The following ADAMTS9 variants were observed in gnomAD, a reference collection of about 807,000 sequenced individuals.
The protein encoded by ADAMTS9 is ADAM metallopeptidase with thrombospondin type 1 motif 9, also known as A disintegrin and metalloproteinase with thrombospondin motifs 9.
Under a neutral mutation model 257.1 loss-of-function variants are expected in ADAMTS9, and 107 were observed. That is an observed-to-expected ratio of 0.42 (90% CI 0.36 to 0.49). The LOEUF is 0.49. Ranked by LOEUF, ADAMTS9 falls within the 20% of genes least tolerant of loss-of-function variation. The probability of loss-of-function intolerance (pLI) is 0.03; values close to 1 mark genes in which losing one functional copy is unlikely to be tolerated. For synonymous variants in ADAMTS9, 982 were observed against 880.9 expected (o/e 1.11, Z -2.03); for missense variants, 2,353 against 2,469.1 (o/e 0.95, Z 1.00).
At chr3:64,665,676 G>A (rs1701337010) in intron 3 of ADAMTS9, among the ~76,000 whole-genome samples, 1 of 152,146 alleles carries the variant, frequency 6.6e-6, no homozygotes, top group Non-Finnish European at 1.5e-5. Context: ...TCCTAGTGGG[G>A]CAAATCAGCA....
At chr3:64,630,674 G>C (rs1464151339) in intron 16 of ADAMTS9, among the ~76,000 whole-genome samples, 1 of 152,138 alleles carries the variant, frequency 6.6e-6, no homozygotes, top group Non-Finnish European at 1.5e-5. Context: ...TGCATGCTGG[G>C]CTTAATACCT....
intron 39 of ADAMTS9, among the ~76,000 whole-genome samples, chr3:64,520,631 C>G (rs1575972059): frequency 6.6e-6 from 1 of 152,006 alleles, no homozygotes; most frequent in Non-Finnish European, 1.5e-5. Context: ...ATAAGGAACC[C>G]AGAAATAAAG....
Position 64,602,191 on chromosome 3 carries a change from C to T in ADAMTS9, c.3770G>A (p.Gly1257Asp), listed in dbSNP as rs757943430. 1.9e-6 allele frequency: 3 copies of T among 1,613,976 alleles called. No homozygotes were observed. The highest frequency in any genetic ancestry group is 2.5e-6 in the Non-Finnish European group (3 of 1,179,954). The change falls in exon 26 of 40, where the codon GGT (glycine) becomes GAT (aspartate). Residue 1257 changes from glycine (G) to aspartate (D), a missense_variant. This residue lies in a region of ADAMTS9 where 1,402 missense variants were observed against 1,441.4 expected (regional missense o/e 0.97). Coordinates refer to ENST00000498707, the MANE Select transcript of ADAMTS9 (RefSeq NM_182920.2). ...WSSCSVTCGQ[G>D]RATRQVMCVN... Reference sequence around the variant, plus strand: ...ACACATCACTTGCCGGGTTGCCCTACCTTGCCCACAGGTCACAGAGCACTA... The same window carrying T: ...ACACATCACTTGCCGGGTTGCCCTATCTTGCCCACAGGTCACAGAGCACTA...
chr3:64,598,192 A>G (rs2084398132), intron 26 of ADAMTS9, among the ~76,000 whole-genome samples: 1 of 152,186 alleles, frequency 6.6e-6, no homozygotes, highest in Admixed American at 6.5e-5. Flanking sequence ...TTTAATGTAG[A>G]GCTGGATAAT....
chr3:64,561,645 T>A lies in ADAMTS9; in HGVS notation c.4631A>T (p.Glu1544Val). ...TGGGCCTTGGCAGTCGCGTTCCGAC[T>A]CCGGTCTGGTGTATGGGTTGCACTC... ...ETECNPYTRP[E>V]SERDCQGPRC... Residue 1544 changes from glutamate to valine, a missense_variant, in exon 30 of 40, where the codon GAG becomes GTG. Glu to Val is a moderately radical substitution (Grantham distance 121). Around this residue, in one of 3 missense-constraint regions of ADAMTS9, gnomAD observed 1,402 missense variants for 1,441.4 expected, o/e 0.97. Transcript: ENST00000498707. The A allele has an allele frequency of 6.2e-7, 1 of 1,614,112 alleles. No individual in the cohort carries two copies. The highest frequency in any genetic ancestry group is 8.5e-7 in the Non-Finnish European group (1 of 1,180,002).
At chr3:64,607,148 C>T in intron 22 of ADAMTS9, 69 bp from the exon 23 acceptor site, 3 of 1,584,140 alleles carry the variant, frequency 1.9e-6, no homozygotes, top group Middle Eastern at 1.8e-4. Flanking sequence ...TTCCCCATAA[C>T]ATTCTGCAAG....
At chr3:64,578,616 A>G (rs1256530855) in intron 28 of ADAMTS9, among the ~76,000 whole-genome samples, 1 of 152,194 alleles carries the variant, frequency 6.6e-6, no homozygotes, top group Admixed American at 6.5e-5. Context: ...TCTGTTTAAC[A>G]GAGATATGAA....
At chr3:64,684,157 C>A (rs1418044095) in intron 2 of ADAMTS9, among the ~76,000 whole-genome samples, 1 of 152,164 alleles carries the variant, frequency 6.6e-6, no homozygotes, top group Admixed American at 6.5e-5. Context: ...GGAGCTGAGA[C>A]TGGACATGTG....
At position 64,515,877 on chromosome 3, in the gene ADAMTS9, T is replaced by TTG. The variant is rs1395133985; in HGVS notation, c.*1249_*1250insCA. ...ATGGGCCATTGGCAAAGGCTTCCCT[T>TTG]CATCAGCTTGGAGGGGCAGAAAGAC... On this transcript the variant is annotated 3_prime_UTR_variant, in exon 40 of 40. Coordinates refer to ENST00000498707, the MANE Select transcript of ADAMTS9 (RefSeq NM_182920.2). 2 of 152,174 alleles carry TTG rather than the reference T, an allele frequency of 1.3e-5. No homozygotes were observed. Among genetic ancestry groups the TTG allele is most frequent in the African/African-American group, 4.8e-5 (2 of 41,438 alleles). 9.4% of individuals were successfully genotyped at this position (152,174 alleles called of 1,614,324 possible). A position where few individuals can be genotyped will look rare whatever the true frequency, so the allele number is the denominator to read the frequency against.
intron 4 of ADAMTS9, 37 bp from the exon 5 acceptor site, chr3:64,655,912 A>G (rs1701057657): frequency 7.3e-7 from 1 of 1,373,150 alleles, no homozygotes; most frequent in African/African-American, 1.5e-5. Context: ...TTAATTGTGA[A>G]CTCCGTGTAA....
chr3:64,624,444 T>C (rs377284045), intron 16 of ADAMTS9, among the ~76,000 whole-genome samples: 10 of 152,228 alleles, frequency 6.6e-5, no homozygotes, highest in African/African-American at 1.9e-4. Context: ...ATATATGCAA[T>C]TTTTATTTGT....
At chr3:64,640,527 T>C (rs2106917937) in intron 12 of ADAMTS9, among the ~76,000 whole-genome samples, 1 of 152,320 alleles carries the variant, frequency 6.6e-6, no homozygotes, top group African/African-American at 2.4e-5. Flanking sequence ...CTATCCGTGA[T>C]CTAAGCTATT....
chr3:64,653,402 A>G (rs1052406385), intron 8 of ADAMTS9, among the ~76,000 whole-genome samples: 2 of 152,166 alleles, frequency 1.3e-5, no homozygotes, highest in African/African-American at 4.8e-5. Context: ...GAGAAAAGAA[A>G]AGGGGTGTGC....
intron 39 of ADAMTS9, among the ~76,000 whole-genome samples, chr3:64,520,531 C>T (rs989726541): frequency 1.3e-5 from 2 of 152,120 alleles, no homozygotes; most frequent in African/African-American, 2.4e-5. Flanking sequence ...TATTACCGGA[C>T]TTCAAACTCT....
At chr3:64,580,019 C>T (rs1231668638) in intron 28 of ADAMTS9, among the ~76,000 whole-genome samples, 1 of 152,108 alleles carries the variant, frequency 6.6e-6, no homozygotes, top group African/African-American at 2.4e-5. Context: ...GCCACTGATC[C>T]CACCACATAC....
intron 22 of ADAMTS9, among the ~76,000 whole-genome samples, chr3:64,611,960 T>C (rs181001548): frequency 1.1e-3 from 174 of 152,356 alleles, no homozygotes; most frequent in Middle Eastern, 3.4e-3. Context: ...TTGTATTATG[T>C]GAGTTTCATT....
chr3:64,597,641 T>C (rs1051321802), intron 26 of ADAMTS9, among the ~76,000 whole-genome samples: 11 of 152,234 alleles, frequency 7.2e-5, no homozygotes, highest in Non-Finnish European at 1.2e-4. Context: ...AATTTCATCA[T>C]GACAAACCTC....
intron 4 of ADAMTS9, among the ~76,000 whole-genome samples, chr3:64,657,801 A>T (rs1011850708): frequency 5.9e-5 from 9 of 152,184 alleles, no homozygotes; most frequent in Admixed American, 5.9e-4. Context: ...AGTGGCTGCC[A>T]CTGGGAAGGG....
Position 64,615,379 on chromosome 3 carries a change from G to C in ADAMTS9, c.3131C>G (p.Thr1044Ser), listed in dbSNP as rs1559792965. The C allele has an allele frequency of 1.9e-6, 3 of 1,613,988 alleles. No individual in the cohort carries two copies. The highest frequency in any genetic ancestry group is 2.5e-6 in the Non-Finnish European group (3 of 1,179,934). Reference sequence around the variant, plus strand: ...AGGGAACTCACTGCACCTCTGAATGGTAACTTTCTCTTGATGTGTGCATTT... The same window carrying C: ...AGGGAACTCACTGCACCTCTGAATGCTAACTTTCTCTTGATGTGTGCATTT... ...DSKCTHQEKV[T>S]IQRCSEFPCP... is the part of the protein sequence containing the mutation. The change falls in exon 21 of 40, where the codon ACC becomes AGC. Residue 1044 changes from threonine to serine, a missense_variant. Coordinates refer to ENST00000498707, the MANE Select transcript of ADAMTS9 (RefSeq NM_182920.2).
Sources: allele counts gnomAD v4.1 joint callset (sites outside exome capture counted in the v4.1 genomes callset), GRCh38; gene constraint gnomAD v4.1.1; regional missense constraint gnomAD v4.1.1; transcripts MANE v1.5; gene names NCBI Gene and HGNC (gene_info 2026-07-23, HGNC 2026-07-21).